Variants in ADARB2 observed in about 807,000 individuals in gnomAD.
ADARB2 encodes the protein inactive double-stranded RNA-specific editase B2.
A neutral mutation model predicts 62.2 loss-of-function variants in ADARB2; 25 were observed. The ratio of observed to expected loss-of-function variants is 0.40; its 90% CI spans 0.29 to 0.56. ADARB2 has a LOEUF of 0.56. ADARB2 is among the 20% of genes least tolerant of loss of function. The probability of loss-of-function intolerance (pLI) is 0.43; values close to 1 mark genes in which losing one functional copy is unlikely to be tolerated. For synonymous variants in ADARB2, 572 were observed against 500.8 expected (o/e 1.14, Z -1.90); for missense variants, 1,071 against 1,077.4 (o/e 0.99, Z 0.08).
chr10:1,721,469 G>A (rs1427737134), intron 1 of ADARB2, among the ~76,000 whole-genome samples: 1 of 152,128 alleles, frequency 6.6e-6, no homozygotes, highest in East Asian at 1.9e-4. Flanking sequence ...GAATTAGGTG[G>A]GCTTGCTGTG....
At chr10:1,373,806 G>A (rs76440879) in intron 2 of ADARB2, among the ~76,000 whole-genome samples, 52,425 of 94,106 alleles carry the variant, frequency 0.56, 14,553 homozygotes, top group East Asian at 0.75. Context: ...ACCTTTCCTA[G>A]TGAGACCGCG....
At position 1,216,471 on chromosome 10, in the gene ADARB2, C is replaced by G. The variant is rs113740901; in HGVS notation, c.1682+480G>C. On this transcript the variant is annotated intron_variant, in intron 7 of 9. Coordinates refer to ENST00000381312, the MANE Select transcript of ADARB2 (RefSeq NM_018702.4). ...CCTCCACATGGAGGCTTTGAAAACT[C>G]CATCCAAGAAGACAATATCTCGGGA... is the stretch of plus-strand genomic sequence containing the variant. 2.2e-3 allele frequency: 358 copies of G among 162,926 alleles called. 2 individuals are homozygous for G. The highest frequency in any genetic ancestry group is 7.3e-3 in the African/African-American group (306 of 41,672). 10.1% of individuals were successfully genotyped at this position (162,926 alleles called of 1,614,324 possible).
At chr10:1,339,699 C>G (rs535556962) in intron 3 of ADARB2, among the ~76,000 whole-genome samples, 9 of 152,192 alleles carry the variant, frequency 5.9e-5, no homozygotes, top group African/African-American at 2.2e-4. Flanking sequence ...GCAGAGGGAG[C>G]GGGTGTGGGG....
In ADARB2 at chr10:1,326,822, G is replaced by GGCCCAGCGCCTCCCCACT. The variant is rs1831855347; in HGVS notation, c.1077+36205_1077+36206insAGTGGGGAGGCGCTGGGC. ...TCCCCACGGCCCAGCGCCTCCCCACGGCCCAGCGCCTCCCCACGGCCCAGC... is the reference window on the plus strand; with the variant it reads ...TCCCCACGGCCCAGCGCCTCCCCACGGCCCAGCGCCTCCCCACTGCCCAGCGCCTCCCCACGGCCCAGC... On this transcript the variant is annotated intron_variant, in intron 3 of 9. Transcript: ENST00000381312. Among the ~76,000 whole-genome samples, 11 of 52,176 alleles carry GGCCCAGCGCCTCCCCACT rather than the reference G, an allele frequency of 2.1e-4. 2 individuals are homozygous for GGCCCAGCGCCTCCCCACT. The highest frequency in any genetic ancestry group is 1.9e-3 in the East Asian group (3 of 1,580). The allele number at this position is 52,176 out of a possible 152,430, so 34.2% of individuals were successfully genotyped here. A position where few individuals can be genotyped will look rare whatever the true frequency, so the allele number is the denominator to read the frequency against.
At chr10:1,578,886 G>A (rs1788359924) in intron 1 of ADARB2, among the ~76,000 whole-genome samples, 1 of 152,190 alleles carries the variant, frequency 6.6e-6, no homozygotes, top group African/African-American at 2.4e-5. Context: ...TGGGGCCCTG[G>A]GAGAGCTTCC....
chr10:1,633,793 T>G (rs1833879681), intron 1 of ADARB2, among the ~76,000 whole-genome samples: 1 of 152,156 alleles, frequency 6.6e-6, no homozygotes, highest in Admixed American at 6.5e-5. Context: ...TGTCCTGGGC[T>G]CTCCCTGAGG....
chr10:1,553,596 C>T (rs1233523590), intron 1 of ADARB2, among the ~76,000 whole-genome samples: 1 of 152,182 alleles, frequency 6.6e-6, no homozygotes, highest in Non-Finnish European at 1.5e-5. Flanking sequence ...AGGCCGGCTC[C>T]GTCTTGGCAT....
rs556777349 is a variant in ADARB2 at position 1,297,781 on chromosome 10, C to T, written c.1078-26712G>A. Among the ~76,000 whole-genome samples the T allele has an allele frequency of 1.6e-3, 241 of 152,310 alleles. 1 individual carries two copies. Among genetic ancestry groups the T allele is most frequent in the African/African-American group, 5.6e-3 (233 of 41,568 alleles). On this transcript the variant is annotated intron_variant, in intron 3 of 9. Transcript: ENST00000381312. ...CCCTGAAACTCCCCCAGTCTAGAGACGCGGGCACAGCCAGGACAGCAGCAG... is the reference window on the plus strand; with the variant it reads ...CCCTGAAACTCCCCCAGTCTAGAGATGCGGGCACAGCCAGGACAGCAGCAG...
intron 1 of ADARB2, among the ~76,000 whole-genome samples, chr10:1,538,376 C>T (rs1832361299): frequency 6.6e-6 from 1 of 152,202 alleles, no homozygotes; most frequent in Non-Finnish European, 1.5e-5. Flanking sequence ...CCGGAGGGGT[C>T]TCCTCTGATC....
intron 1 of ADARB2, among the ~76,000 whole-genome samples, chr10:1,496,474 C>T (rs915564562): frequency 1.3e-5 from 2 of 152,022 alleles, no homozygotes; most frequent in Admixed American, 1.3e-4. Flanking sequence ...CCACCATCAT[C>T]ATCATTGTCA....
intron 7 of ADARB2, among the ~76,000 whole-genome samples, chr10:1,202,442 G>A (rs11250327): frequency 0.21 from 32,029 of 152,130 alleles, 3,966 homozygotes; most frequent in African/African-American, 0.32. Context: ...GCCTCCCACC[G>A]TGCTGGAACC....
chr10:1,466,029 C>T (rs1249135758), intron 1 of ADARB2, among the ~76,000 whole-genome samples: 1 of 152,248 alleles, frequency 6.6e-6, no homozygotes, highest in East Asian at 1.9e-4. Context: ...ACTAAGAAGA[C>T]AAGAACCGAA....
chr10:1,235,190 G>A (rs991679603), intron 5 of ADARB2, among the ~76,000 whole-genome samples: 2 of 148,416 alleles, frequency 1.3e-5, no homozygotes, highest in African/African-American at 2.5e-5. Flanking sequence ...TAGCCTGAGT[G>A]GGCAGCTTGT....
intron 1 of ADARB2, among the ~76,000 whole-genome samples, chr10:1,705,280 G>A (rs780408573): frequency 2.6e-5 from 4 of 152,186 alleles, no homozygotes; most frequent in Non-Finnish European, 5.9e-5. Context: ...TCTACATGGT[G>A]CCTCTGCCCA....
chr10:1,345,852 A>T (rs956613759), intron 3 of ADARB2, among the ~76,000 whole-genome samples: 1 of 152,196 alleles, frequency 6.6e-6, no homozygotes, highest in Non-Finnish European at 1.5e-5. Flanking sequence ...AAGGATATTC[A>T]CTTAGATTTC....
At chr10:1,183,502 C>G in intron 9 of ADARB2, 133 bp from the exon 10 acceptor site, 1 of 1,101,772 alleles carries the variant, frequency 9.1e-7, no homozygotes, top group Admixed American at 2.8e-5. Context: ...TTACAGAGAG[C>G]AACTGTGACC....
chr10:1,368,979 T>A (rs1832340831), intron 2 of ADARB2, among the ~76,000 whole-genome samples: 1 of 125,112 alleles, frequency 8.0e-6, no homozygotes, highest in African/African-American at 3.1e-5. Flanking sequence ...CCTAGGGGAG[T>A]GGCGCTCTGG....
intron 1 of ADARB2, among the ~76,000 whole-genome samples, chr10:1,608,638 A>G (rs537094601): frequency 1.1e-4 from 17 of 149,232 alleles, no homozygotes; most frequent in Non-Finnish European, 2.4e-4. Flanking sequence ...AAATGAAGGG[A>G]GGGAGGGAAG....
intron 1 of ADARB2, among the ~76,000 whole-genome samples, chr10:1,649,233 C>T (rs1834081626): frequency 6.6e-6 from 1 of 152,188 alleles, no homozygotes; most frequent in Admixed American, 6.5e-5. Flanking sequence ...TTTTTACAGC[C>T]TTTGAAATGT....
Sources: allele counts gnomAD v4.1 joint callset (sites outside exome capture counted in the v4.1 genomes callset), GRCh38; gene constraint gnomAD v4.1.1; transcripts MANE v1.5; gene names NCBI Gene and HGNC (gene_info 2026-07-23, HGNC 2026-07-21).